FREM1: variants seen among roughly 807,000 people sequenced by gnomAD.
FREM1 encodes the protein FRAS1-related extracellular matrix protein 1.
Under a neutral mutation model 210.1 loss-of-function variants are expected in FREM1, and 220 were observed. That is an observed-to-expected ratio of 1.05 (90% CI 0.94 to 1.17). FREM1 has a LOEUF of 1.17. Ranked by LOEUF, FREM1 falls within the 50% of genes most tolerant of loss-of-function variation. FREM1 has a pLI of 0.00. For synonymous variants in FREM1, 1,189 were observed against 980.2 expected (o/e 1.21, Z -3.98); for missense variants, 3,454 against 2,675.5 (o/e 1.29, Z -6.42).
intron 24 of FREM1, among the ~76,000 whole-genome samples, chr9:14,778,745 G>C (rs184395979): frequency 0.01 from 1,388 of 138,682 alleles, 19 homozygotes; most frequent in African/African-American, 0.036. Flanking sequence ...GAAGGGAAGG[G>C]AAGGAAAGGA....
intron 23 of FREM1, among the ~76,000 whole-genome samples, chr9:14,786,506 C>T (rs925692328): frequency 1.3e-4 from 20 of 152,162 alleles, no homozygotes; most frequent in Admixed American, 7.9e-4. Context: ...TGGTTCTCAA[C>T]GACAGGCAAT....
intron 29 of FREM1, among the ~76,000 whole-genome samples, chr9:14,754,462 G>A (rs751742378): frequency 5.3e-5 from 8 of 152,124 alleles, no homozygotes; most frequent in Non-Finnish European, 8.8e-5. Context: ...TTTGCATGTC[G>A]AAGTGAAGGT....
In FREM1 at chr9:14,776,094, C is replaced by A. The variant is rs775792241; in HGVS notation, c.4552G>T (p.Ala1518Ser). The change falls in exon 25 of 37, where the codon GCC (alanine) becomes TCC (serine). Residue 1518 changes from alanine to serine, a missense_variant. Ala to Ser is a moderately conservative substitution (Grantham distance 99). Transcript: ENST00000380880. ...VVTRNKGLRL[A>S]QGAVGLLSPD... ...GAAAGCAGGCCCACGGCCCCTTGGG[C>A]CAGTCTCAACCCCTTGTTCCTGGTT... 6.7e-5 allele frequency: 108 copies of A among 1,609,468 alleles called. 1 individual carries two copies. The highest frequency in any genetic ancestry group is 1.4e-5 in the Non-Finnish European group (17 of 1,176,980).
intron 10 of FREM1, among the ~76,000 whole-genome samples, chr9:14,838,113 T>C (rs1279179953): frequency 6.6e-6 from 1 of 152,226 alleles, no homozygotes; most frequent in Non-Finnish European, 1.5e-5. Flanking sequence ...TTAATCATAA[T>C]TTAGTTTTGC....
chr9:14,746,465 C>T lies in FREM1; in HGVS notation c.6142G>A (p.Val2048Met). 6.2e-7 allele frequency: 1 copy of T among 1,610,684 alleles called. No homozygotes were observed. Among genetic ancestry groups the T allele is most frequent in the Non-Finnish European group, 8.5e-7 (1 of 1,176,940 alleles). The change falls in exon 35 of 37, where the codon GTG becomes ATG. Residue 2048 changes from valine (V) to methionine (M), a missense_variant. By Grantham distance (21) the Val-to-Met change is conservative. Transcript: ENST00000380880. Reference protein sequence around the residue: ...WKAWSPQTKDVEDKSCPAGWH... With the variant: ...WKAWSPQTKDMEDKSCPAGWH... ...CCGGCTGGACAGGATTTGTCTTCCACATCCTGAAAAACAGTTGTCTGTGTT... is the reference window on the plus strand; with the variant it reads ...CCGGCTGGACAGGATTTGTCTTCCATATCCTGAAAAACAGTTGTCTGTGTT...
chr9:14,864,295 T>C (rs1831118988), intron 2 of FREM1, among the ~76,000 whole-genome samples: 1 of 152,240 alleles, frequency 6.6e-6, no homozygotes, highest in South Asian at 2.1e-4. Flanking sequence ...TGTGTCTGCA[T>C]GAAAAGGCAT....
intron 21 of FREM1, among the ~76,000 whole-genome samples, chr9:14,795,600 G>A (rs985857512): frequency 8.5e-5 from 13 of 152,208 alleles, no homozygotes; most frequent in African/African-American, 1.9e-4. Flanking sequence ...TTTTGAAGCA[G>A]GGTTGAAGGA....
At chr9:14,813,190 C>T (rs992219170) in intron 15 of FREM1, 126 bp from the exon 16 acceptor site, 3 of 1,065,974 alleles carry the variant, frequency 2.8e-6, no homozygotes, top group Admixed American at 2.7e-5. Context: ...AAACAACAGC[C>T]GTGAAATTTG....
rs1842467856 is a variant in FREM1, at chr9:14,746,526, C to T, written c.6139-58G>A. ...TGGTCTTTACAATCTGGAGTTGGTT[C>T]AGCATAAGGAGTCCTACGAGTTCCC... On this transcript the variant is annotated intron_variant, in intron 34 of 36. Transcript: ENST00000380880. 1.2e-5 allele frequency: 16 copies of T among 1,367,170 alleles called. No individual in the cohort carries two copies. In the South Asian group the frequency reaches 1.4e-4, roughly 12 times the overall value. 84.7% of individuals were successfully genotyped at this position (1,367,170 alleles called of 1,614,324 possible).
intron 35 of FREM1, among the ~76,000 whole-genome samples, chr9:14,742,359 G>C (rs751084309): frequency 1.7e-4 from 26 of 152,104 alleles, no homozygotes; most frequent in Non-Finnish European, 4.4e-5. Context: ...CATAGATAAT[G>C]CTCTATAATA....
chr9:14,871,984 G>A (rs1157708682), intron 1 of FREM1, among the ~76,000 whole-genome samples: 1 of 152,098 alleles, frequency 6.6e-6, no homozygotes, highest in African/African-American at 2.4e-5. Flanking sequence ...TTGTAGACAT[G>A]CGGCATTATT....
intron 35 of FREM1, among the ~76,000 whole-genome samples, chr9:14,741,593 G>A (rs1049667674): frequency 2.0e-5 from 3 of 152,110 alleles, no homozygotes; most frequent in African/African-American, 7.2e-5. Flanking sequence ...ACTCTAAAGC[G>A]CTGTAGGCTT....
chr9:14,792,590 C>T (rs780537923), intron 22 of FREM1, among the ~76,000 whole-genome samples, 153 bp downstream of exon 22: 38 of 152,266 alleles, frequency 2.5e-4, no homozygotes, highest in South Asian at 8.3e-4. Flanking sequence ...TTTAGAACAG[C>T]ATGAATTCAC....
At chr9:14,849,588 A>T (rs1458914333) in intron 6 of FREM1, among the ~76,000 whole-genome samples, 4 of 152,248 alleles carry the variant, frequency 2.6e-5, no homozygotes, top group African/African-American at 2.4e-5. Context: ...GCACTATATC[A>T]GCAAACACTA....
intron 21 of FREM1, among the ~76,000 whole-genome samples, chr9:14,794,895 G>C (rs1852076303): frequency 6.6e-6 from 1 of 151,826 alleles, no homozygotes; most frequent in African/African-American, 2.4e-5. Flanking sequence ...CTACTTGGGA[G>C]GCTGAGGCAG....
chr9:14,881,413 T>C (rs1037980410), intron 1 of FREM1, among the ~76,000 whole-genome samples: 4 of 152,222 alleles, frequency 2.6e-5, no homozygotes, highest in African/African-American at 9.6e-5. Context: ...AAAAAAAAGC[T>C]ATCTTGGAGG....
At position 14,897,284 on chromosome 9, in the gene FREM1, A is replaced by G. The variant is rs192123423; in HGVS notation, c.-268+12630T>C. Among the ~76,000 whole-genome samples, 4 of 152,350 alleles carry G rather than the reference A, an allele frequency of 2.6e-5. No homozygotes were observed. The East Asian group carries it at 7.7e-4, about 29-fold the overall frequency. Reference sequence around the variant, plus strand: ...ATATTACAGCTAAGGAAATAGATAAATAATTTGTCTAAGGCAAATTCTCTT... The same window carrying G: ...ATATTACAGCTAAGGAAATAGATAAGTAATTTGTCTAAGGCAAATTCTCTT... On this transcript the variant is annotated intron_variant, in intron 1 of 36. Coordinates refer to ENST00000380880, the MANE Select transcript of FREM1 (RefSeq NM_001379081.2).
chr9:14,782,283 T>C (rs2132810754), intron 24 of FREM1: 1 of 664,036 alleles, frequency 1.5e-6, no homozygotes, highest in South Asian at 6.8e-5. Context: ...AGACTTTCTC[T>C]GGATGCAAAT....
intron 1 of FREM1, among the ~76,000 whole-genome samples, chr9:14,897,523 T>A (rs1445229506): frequency 6.6e-6 from 1 of 150,958 alleles, no homozygotes; most frequent in Non-Finnish European, 1.5e-5. Flanking sequence ...TATACTGAGA[T>A]GTAGTAAAGA....
Sources: allele counts gnomAD v4.1 joint callset (sites outside exome capture counted in the v4.1 genomes callset), GRCh38; gene constraint gnomAD v4.1.1; transcripts MANE v1.5; gene names NCBI Gene and HGNC (gene_info 2026-07-23, HGNC 2026-07-21).